The following KIF2A variants were observed in gnomAD, a reference collection of about 807,000 sequenced individuals.
KIF2A encodes the protein kinesin-like protein KIF2A.
KIF2A carries 22 observed loss-of-function variants against 100.2 expected under a neutral mutation model. That is an observed-to-expected ratio of 0.22 (90% confidence interval 0.16 to 0.31). KIF2A has a LOEUF of 0.31. KIF2A is among the 10% of genes least tolerant of loss of function. The pLI is 1.00. For synonymous variants in KIF2A, 268 were observed against 285.9 expected (o/e 0.94, Z 0.63); for missense variants, 495 against 898.7 (o/e 0.55, Z 5.74).
At chr5:62,382,782 C>T (rs1360335114) in intron 20 of KIF2A, among the ~76,000 whole-genome samples, 2 of 151,168 alleles carry the variant, frequency 1.3e-5, no homozygotes, top group African/African-American at 2.4e-5. Flanking sequence ...TACAGGCACG[C>T]GCCACAATGC....
At chr5:62,322,189 C>T (rs1746134691) in intron 1 of KIF2A, among the ~76,000 whole-genome samples, 1 of 152,164 alleles carries the variant, frequency 6.6e-6, no homozygotes, top group African/African-American at 2.4e-5. Context: ...CTCAGCCTCT[C>T]AGAAGTGCTG....
At chr5:62,315,331 C>CTAGGTATCAGTATT (rs1381209564) in intron 1 of KIF2A, among the ~76,000 whole-genome samples, 1 of 150,128 alleles carries the variant, frequency 6.7e-6, no homozygotes, top group East Asian at 2.0e-4. Context: ...GGTATGTAGT[C>CTAGGTATCAGTATT]TAGGTATCAG....
intron 14 of KIF2A, among the ~76,000 whole-genome samples, chr5:62,364,135 T>C (rs758941946): frequency 6.6e-6 from 1 of 151,922 alleles, no homozygotes; most frequent in Non-Finnish European, 1.5e-5. Flanking sequence ...TGGGGCTACA[T>C]AGGTAAACTC....
At chr5:62,342,534 G>A (rs759847512) in intron 1 of KIF2A, among the ~76,000 whole-genome samples, 3 of 152,120 alleles carry the variant, frequency 2.0e-5, no homozygotes, top group African/African-American at 4.8e-5. Flanking sequence ...CAGTGATAGA[G>A]CATGGCATGG....
intron 1 of KIF2A, among the ~76,000 whole-genome samples, chr5:62,329,412 T>G (rs1419155960): frequency 1.3e-5 from 2 of 152,230 alleles, no homozygotes; most frequent in Non-Finnish European, 2.9e-5. Flanking sequence ...TTTTCCTCAC[T>G]GCTTAGATTA....
At chr5:62,320,346 A>G (rs1006346585) in intron 1 of KIF2A, among the ~76,000 whole-genome samples, 1 of 152,200 alleles carries the variant, frequency 6.6e-6, no homozygotes, top group Admixed American at 6.5e-5. Flanking sequence ...ACATACATGA[A>G]TATATCTGTA....
intron 16 of KIF2A, among the ~76,000 whole-genome samples, chr5:62,367,473 G>T (rs247224): frequency 0.21 from 32,035 of 151,942 alleles, 3,642 homozygotes; most frequent in Middle Eastern, 0.28. Flanking sequence ...CACTATGTTG[G>T]CTAGGCTGGT....
intron 14 of KIF2A, among the ~76,000 whole-genome samples, chr5:62,364,134 A>G (rs1215392563): frequency 6.6e-6 from 1 of 151,216 alleles, no homozygotes; most frequent in Non-Finnish European, 1.5e-5. Flanking sequence ...CTGGGGCTAC[A>G]TAGGTAAACT....
At chr5:62,331,303 C>T (rs552739333) in intron 1 of KIF2A, among the ~76,000 whole-genome samples, 1 of 151,934 alleles carries the variant, frequency 6.6e-6, no homozygotes, top group Non-Finnish European at 1.5e-5. Context: ...CCCAGCTCCT[C>T]GGGAGACTGA....
At chr5:62,312,691 A>G (rs1745612570) in intron 1 of KIF2A, among the ~76,000 whole-genome samples, 2 of 152,220 alleles carry the variant, frequency 1.3e-5, no homozygotes, top group South Asian at 4.1e-4. Flanking sequence ...TAGTGGTTTT[A>G]TAGTGCTAAG....
intron 1 of KIF2A, among the ~76,000 whole-genome samples, chr5:62,321,380 G>C (rs1181851143): frequency 6.6e-6 from 1 of 152,128 alleles, no homozygotes; most frequent in Non-Finnish European, 1.5e-5. Flanking sequence ...ATTCCCACTA[G>C]TAATATTTGA....
intron 19 of KIF2A, among the ~76,000 whole-genome samples, chr5:62,380,560 T>G (rs1051872565): frequency 6.6e-6 from 1 of 152,184 alleles, no homozygotes; most frequent in African/African-American, 2.4e-5. Flanking sequence ...TATATAACTT[T>G]TGAGCCCCCC....
At chr5:62,380,277 C>T (rs1346365420) in intron 19 of KIF2A, among the ~76,000 whole-genome samples, 1 of 152,166 alleles carries the variant, frequency 6.6e-6, no homozygotes, top group Non-Finnish European at 1.5e-5. Flanking sequence ...CTACCATAGC[C>T]CCCATCAAAG....
intron 7 of KIF2A, among the ~76,000 whole-genome samples, chr5:62,355,799 CTTT>C (rs869252403): frequency 1.5e-5 from 2 of 137,108 alleles, no homozygotes; most frequent in African/African-American, 2.7e-5. Context: ...CAGGGAGTGC[CTTT>C]TTTTTTTTTT....
Position 62,390,877 on chromosome 5 carries a change from T to A in KIF2A, c.*5308T>A. ...TTAGGAAAACAAAAATGTAATTACC[T>A]GATGAAGTCATCTATGTCCATGGAA... On this transcript the variant is annotated 3_prime_UTR_variant, in exon 21 of 21. Transcript: ENST00000407818. 1 of 1,611,102 alleles carries A rather than the reference T, an allele frequency of 6.2e-7. No homozygotes were observed. The highest frequency in any genetic ancestry group is 8.5e-7 in the Non-Finnish European group (1 of 1,179,022).
At chr5:62,330,148 T>G (rs1349646913) in intron 1 of KIF2A, among the ~76,000 whole-genome samples, 1 of 151,992 alleles carries the variant, frequency 6.6e-6, no homozygotes, top group Non-Finnish European at 1.5e-5. Context: ...CCCAGGAGTT[T>G]GAGACCAGCC....
chr5:62,370,925 T>C (rs764266736), intron 16 of KIF2A, among the ~76,000 whole-genome samples: 1 of 152,114 alleles, frequency 6.6e-6, no homozygotes, highest in African/African-American at 2.4e-5. Context: ...TTAAAAGATT[T>C]AGATAAGAAA....
chr5:62,352,476 T>C, intron 4 of KIF2A, 112 bp from the exon 5 acceptor site: 1 of 633,856 alleles, frequency 1.6e-6, no homozygotes, highest in Non-Finnish European at 2.6e-6. Context: ...CCTGGCAACT[T>C]ACTAATGTAA....
chr5:62,310,753 G>A (rs1308067129), intron 1 of KIF2A, among the ~76,000 whole-genome samples: 2 of 152,178 alleles, frequency 1.3e-5, no homozygotes, highest in South Asian at 2.1e-4. Context: ...AATTGGACTG[G>A]TGTGTTTTCT....
Sources: gnomAD v4.1 joint callset for allele counts (sites outside exome capture counted in the v4.1 genomes callset) on GRCh38, gnomAD v4.1.1 for gene constraint, MANE v1.5 for transcripts, NCBI Gene and HGNC (gene_info 2026-07-23, HGNC 2026-07-21) for gene names.